MYO3B: variants seen among roughly 807,000 people sequenced by gnomAD.
MYO3B encodes the protein myosin-IIIb.
MYO3B carries 156 observed loss-of-function variants against 174.6 expected under a neutral mutation model. The ratio of observed to expected loss-of-function variants is 0.89; its 90% CI spans 0.78 to 1.02. The LOEUF is 1.02. Ranked by LOEUF, MYO3B falls within the 50% of genes least tolerant of loss-of-function variation. The pLI, the probability that MYO3B is intolerant of heterozygous loss-of-function variation, is 0.00. For missense variants in MYO3B, 1,632 were observed against 1,639.4 expected (o/e 1.00, Z 0.08); for synonymous variants, 563 against 569.1 (o/e 0.99, Z 0.15).
chr2:170,621,321 T>C, intron 32 of MYO3B, among the ~76,000 whole-genome samples: 1 of 152,196 alleles, frequency 6.6e-6, no homozygotes, highest in East Asian at 1.9e-4. Context: ...AGTTAGTTCA[T>C]ATGGAGTATC....
chr2:170,264,483 G>A (rs2093368272), intron 7 of MYO3B, among the ~76,000 whole-genome samples: 1 of 152,198 alleles, frequency 6.6e-6, no homozygotes, highest in South Asian at 2.1e-4. Flanking sequence ...GGCCAGCCCG[G>A]TTTTAAGGAG....
intron 32 of MYO3B, among the ~76,000 whole-genome samples, chr2:170,606,417 G>C (rs1407372475): frequency 6.6e-6 from 1 of 152,118 alleles, no homozygotes; most frequent in African/African-American, 2.4e-5. Flanking sequence ...CATTCTTCAG[G>C]CCTCAACCAT....
At position 170,519,489 on chromosome 2, in the gene MYO3B, A is replaced by C. The variant is rs751496913; in HGVS notation, c.3524A>C (p.Asn1175Thr). 1 of 1,613,906 alleles carries C rather than the reference A, an allele frequency of 6.2e-7. No homozygotes were observed. The highest frequency in any genetic ancestry group is 8.5e-7 in the Non-Finnish European group (1 of 1,179,946). ...AGCCATTCACAAGCAGAATCCAACA[A>C]TGGCCGTACACAGACTTCAAGCAAC... ...RRSHSQAESN[N>T]GRTQTSSNSP... Residue 1175 changes from asparagine (N) to threonine (T), a missense_variant, in exon 30 of 35, where the codon AAT (asparagine) becomes ACT (threonine). Transcript: ENST00000408978.
intron 3 of MYO3B, among the ~76,000 whole-genome samples, chr2:170,202,709 CAA>C (rs1391219753): frequency 6.6e-6 from 1 of 152,190 alleles, no homozygotes; most frequent in African/African-American, 2.4e-5. Context: ...AGCTGGATGA[CAA>C]TGATGGTCCA....
intron 32 of MYO3B, among the ~76,000 whole-genome samples, chr2:170,618,306 T>C (rs1198920321): frequency 2.0e-5 from 3 of 152,170 alleles, no homozygotes; most frequent in Admixed American, 1.3e-4. Flanking sequence ...GTATAGTTTT[T>C]AACAGTCTGT....
chr2:170,407,138 G>A (rs80277504), intron 21 of MYO3B, among the ~76,000 whole-genome samples: 1 of 152,246 alleles, frequency 6.6e-6, no homozygotes, highest in East Asian at 1.9e-4. Flanking sequence ...TTATTCTGAT[G>A]TGATTTATCT....
intron 8 of MYO3B, among the ~76,000 whole-genome samples, chr2:170,356,169 G>T (rs1190487700): frequency 6.6e-6 from 1 of 151,842 alleles, no homozygotes; most frequent in Non-Finnish European, 1.5e-5. Flanking sequence ...CACCGTGTTG[G>T]CCAGGATGGT....
chr2:170,476,773 C>A (rs1685343563), intron 25 of MYO3B, among the ~76,000 whole-genome samples: 1 of 151,966 alleles, frequency 6.6e-6, no homozygotes, highest in Non-Finnish European at 1.5e-5. Flanking sequence ...TATTTAGGGC[C>A]ATGGGTATTC....
Position 170,407,856 on chromosome 2 carries a change from C to T in MYO3B, c.2650+12C>T, listed in dbSNP as rs914193593. Reference sequence around the variant, plus strand: ...TCTGACCAAAACAGGTACTTGGGAACCCTCTGATAGCCCTGCTCTTAAAGC... The same window carrying T: ...TCTGACCAAAACAGGTACTTGGGAATCCTCTGATAGCCCTGCTCTTAAAGC... On this transcript the variant is annotated intron_variant, in intron 22 of 34. Transcript: ENST00000408978. 3.1e-6 allele frequency: 5 copies of T among 1,613,648 alleles called. No individual in the cohort carries two copies. The highest frequency in any genetic ancestry group is 4.2e-6 in the Non-Finnish European group (5 of 1,179,734).
chr2:170,292,641 T>C (rs4668235), intron 7 of MYO3B, among the ~76,000 whole-genome samples: 103,240 of 152,022 alleles, frequency 0.68, 35,208 homozygotes, highest in Admixed American at 0.74. Flanking sequence ...AGGTCCGCGT[T>C]AGCTCTAGTA....
intron 32 of MYO3B, among the ~76,000 whole-genome samples, chr2:170,544,923 A>C (rs1314748433): frequency 6.6e-6 from 1 of 152,232 alleles, no homozygotes; most frequent in Non-Finnish European, 1.5e-5. Context: ...AGTACAAAAA[A>C]AGAGGAGAGA....
At position 170,532,089 on chromosome 2, in the gene MYO3B, T is replaced by C. The variant is rs143297282; in HGVS notation, c.3576-10817T>C. On this transcript the variant is annotated intron_variant, in intron 30 of 34. Coordinates refer to ENST00000408978, the MANE Select transcript of MYO3B (RefSeq NM_138995.5). ...TGATGAAAGTTAGCATCACCAGTAA[T>C]TGAACAAACTGACAGCATGTGCCTC... 2.2e-4 allele frequency among the ~76,000 whole-genome samples: 34 copies of C among 152,302 alleles called. 1 individual carries two copies. In the East Asian group the frequency reaches 6.4e-3, roughly 29 times the overall value.
At chr2:170,477,941 C>G (rs1210909857) in intron 25 of MYO3B, among the ~76,000 whole-genome samples, 4 of 152,040 alleles carry the variant, frequency 2.6e-5, no homozygotes, top group African/African-American at 9.7e-5. Flanking sequence ...TCTTTCATCC[C>G]TTTTGGCCGG....
At chr2:170,347,622 A>G (rs1450117976) in intron 8 of MYO3B, among the ~76,000 whole-genome samples, 1 of 152,100 alleles carries the variant, frequency 6.6e-6, no homozygotes, top group Non-Finnish European at 1.5e-5. Flanking sequence ...AAGAAAATAA[A>G]TCAAGTGATG....
chr2:170,437,788 A>C (rs1375774094), intron 22 of MYO3B, among the ~76,000 whole-genome samples: 1 of 152,116 alleles, frequency 6.6e-6, no homozygotes, highest in Admixed American at 6.5e-5. Context: ...CCAGTCTACT[A>C]ATCAGTGTCT....
At chr2:170,374,628 G>T (rs1207615020) in intron 9 of MYO3B, among the ~76,000 whole-genome samples, 1 of 151,950 alleles carries the variant, frequency 6.6e-6, no homozygotes, top group East Asian at 1.9e-4. Context: ...GTGCTTGGAG[G>T]GCTTGAATTT....
At position 170,466,646 on chromosome 2, in the gene MYO3B, G is replaced by A. The variant is rs777510687; in HGVS notation, c.2949G>A (p.Leu983=). The change falls in exon 25 of 35, where the codon CTG becomes CTA. Residue 983 remains leucine, a synonymous_variant. Coordinates refer to ENST00000408978, the MANE Select transcript of MYO3B (RefSeq NM_138995.5). ...VLAQLRSTGI[L]ETVSIRRQGY... ...CCCAGCTCCGCTCCACAGGGATTCT[G>A]GAGACAGTCAGCATCCGCCGCCAGG... is the stretch of plus-strand genomic sequence containing the variant. 1.5e-4 allele frequency: 248 copies of A among 1,614,078 alleles called. No homozygotes were observed. Among genetic ancestry groups the A allele is most frequent in the Non-Finnish European group, 2.1e-4 (245 of 1,180,048 alleles).
chr2:170,581,043 G>A (rs1693115742), intron 32 of MYO3B, among the ~76,000 whole-genome samples: 1 of 152,032 alleles, frequency 6.6e-6, no homozygotes, highest in African/African-American at 2.4e-5. Flanking sequence ...ATCTCCCTAG[G>A]AAGGAATTGC....
chr2:170,471,707 C>T (rs575070039), intron 25 of MYO3B, among the ~76,000 whole-genome samples: 1 of 151,988 alleles, frequency 6.6e-6, no homozygotes, highest in Admixed American at 6.6e-5. Flanking sequence ...ATCACTTGAC[C>T]AGGCCGGGGC....
Sources: gnomAD v4.1 joint callset for allele counts (sites outside exome capture counted in the v4.1 genomes callset) on GRCh38, gnomAD v4.1.1 for gene constraint, MANE v1.5 for transcripts, NCBI Gene and HGNC (gene_info 2026-07-23, HGNC 2026-07-21) for gene names.